The following CHST9 variants were observed in gnomAD, a reference collection of about 807,000 sequenced individuals.
The protein encoded by CHST9 is carbohydrate sulfotransferase 9, also known as GalNAc-4-sulfotransferase 2.
Under a neutral mutation model 44.4 loss-of-function variants are expected in CHST9, and 41 were observed. The ratio of observed to expected loss-of-function variants is 0.92; its 90% CI spans 0.72 to 1.20. CHST9 has a LOEUF of 1.20. CHST9 is among the 50% of genes most tolerant of loss of function. The probability of loss-of-function intolerance (pLI) is 0.00; values close to 1 mark genes in which losing one functional copy is unlikely to be tolerated. For synonymous variants in CHST9, 171 were observed against 178.4 expected, an observed-to-expected ratio of 0.96 and a Z score of 0.33; for missense variants, 504 against 516.5, an observed-to-expected ratio of 0.98 and a Z score of 0.23.
At chr18:27,003,262 C>G (rs756580194) in intron 4 of CHST9, among the ~76,000 whole-genome samples, 1 of 152,010 alleles carries the variant, frequency 6.6e-6, no homozygotes, top group East Asian at 1.9e-4. Flanking sequence ...GATGTGTAGA[C>G]TTTCCCATGA....
chr18:27,015,941 T>C (rs951582809), intron 4 of CHST9, among the ~76,000 whole-genome samples: 26 of 152,204 alleles, frequency 1.7e-4, no homozygotes, highest in African/African-American at 6.0e-4. Flanking sequence ...TACAAACTTC[T>C]TCAGTATATG....
At chr18:27,062,331 G>A (rs1043687953) in intron 2 of CHST9, among the ~76,000 whole-genome samples, 1 of 152,088 alleles carries the variant, frequency 6.6e-6, no homozygotes, top group East Asian at 1.9e-4. Context: ...CCCATGACAG[G>A]CACTGGTGTG....
At chr18:27,077,401 T>C (rs756720722) in intron 2 of CHST9, among the ~76,000 whole-genome samples, 1 of 152,204 alleles carries the variant, frequency 6.6e-6, no homozygotes, top group Non-Finnish European at 1.5e-5. Flanking sequence ...TTCTGTATTT[T>C]CACTTAGTGT....
intron 4 of CHST9, among the ~76,000 whole-genome samples, chr18:26,974,782 T>G (rs2056596631): frequency 6.6e-6 from 1 of 151,892 alleles, no homozygotes; most frequent in Admixed American, 6.6e-5. Context: ...GAGATGATTC[T>G]CCTGCCTCAG....
intron 5 of CHST9, among the ~76,000 whole-genome samples, chr18:26,940,904 A>C (rs1170224466): frequency 1.3e-5 from 2 of 152,190 alleles, no homozygotes; most frequent in Admixed American, 1.3e-4. Context: ...GAGGGACACA[A>C]AGGGAGGGCA....
intron 2 of CHST9, among the ~76,000 whole-genome samples, chr18:27,137,907 C>A (rs1346599913): frequency 6.6e-6 from 1 of 152,188 alleles, no homozygotes; most frequent in East Asian, 1.9e-4. Flanking sequence ...ACAAGCCATT[C>A]TTGTGATTTA....
chr18:27,015,215 G>A (rs897955907), intron 4 of CHST9, among the ~76,000 whole-genome samples: 2 of 152,084 alleles, frequency 1.3e-5, no homozygotes, highest in East Asian at 1.9e-4. Flanking sequence ...TCAACGGCCT[G>A]GAATTTCATG....
At chr18:27,017,312 G>T (rs375675175) in intron 4 of CHST9, among the ~76,000 whole-genome samples, 104 of 152,222 alleles carry the variant, frequency 6.8e-4, no homozygotes, top group African/African-American at 2.4e-3. Flanking sequence ...GTGCAAAAAT[G>T]TCCATAGCAG....
chr18:27,141,257 TG>T (rs1365048388), intron 2 of CHST9, among the ~76,000 whole-genome samples: 1 of 151,896 alleles, frequency 6.6e-6, no homozygotes, highest in Non-Finnish European at 1.5e-5. Context: ...CCCAGCTACT[TG>T]GGAGGCTGAG....
chr18:27,069,078 T>C (rs2057812338), intron 2 of CHST9, among the ~76,000 whole-genome samples: 1 of 152,212 alleles, frequency 6.6e-6, no homozygotes, highest in Admixed American at 6.5e-5. Context: ...TACTTTTCTT[T>C]AATTATTTTT....
At position 26,907,896 on chromosome 18, in the gene CHST9, C is replaced by A; in HGVS notation, c.*8363G>T. ...TGAGGACATTATGCTAAGAGAAATA[C>A]GCCAGTCACAAAAAGACACATGCTG... On this transcript the variant is annotated 3_prime_UTR_variant, in exon 6 of 6. Coordinates refer to ENST00000618847, the MANE Select transcript of CHST9 (RefSeq NM_031422.6). The A allele has an allele frequency of 5.5e-6, 1 of 180,636 alleles. No homozygotes were observed. Among genetic ancestry groups the A allele is most frequent in the South Asian group, 1.5e-4 (1 of 6,494 alleles). 11.2% of individuals were successfully genotyped at this position (180,636 alleles called of 1,614,324 possible). A position where few individuals can be genotyped will look rare whatever the true frequency, so the allele number is the denominator to read the frequency against.
At chr18:26,978,479 T>C (rs1361338500) in intron 4 of CHST9, among the ~76,000 whole-genome samples, 1 of 152,212 alleles carries the variant, frequency 6.6e-6, no homozygotes, top group Non-Finnish European at 1.5e-5. Flanking sequence ...GTGCTAGAAC[T>C]TTCCTAGCCA....
intron 1 of CHST9, among the ~76,000 whole-genome samples, chr18:27,159,002 G>C (rs1279604555): frequency 4.6e-5 from 7 of 152,226 alleles, no homozygotes; most frequent in African/African-American, 1.4e-4. Context: ...GTAGATTCTG[G>C]ATATTAGCCC....
rs758794791 is a variant in CHST9, at chr18:26,917,023, C to T, written c.568G>A (p.Gly190Ser). The change falls in exon 6 of 6, where the codon GGT (glycine) becomes AGT (serine). Residue 190 changes from glycine (G) to serine (S), a missense_variant. Gly to Ser is a moderately conservative substitution (Grantham distance 56, BLOSUM62 0). Coordinates refer to ENST00000618847, the MANE Select transcript of CHST9 (RefSeq NM_031422.6). ...SFLQEFCKKYGGVSHHQSHLF... is the reference protein window; with the variant it reads ...SFLQEFCKKYSGVSHHQSHLF... ...TGTGACTGATGATGACTCACCCCAC[C>T]GTATTTCTTGCAAAACTCCTGAAGG... 5.0e-5 allele frequency: 80 copies of T among 1,613,762 alleles called. No homozygotes were observed. Among genetic ancestry groups the T allele is most frequent in the East Asian group, 1.8e-4 (8 of 44,888 alleles).
At chr18:26,973,083 A>C (rs1463852177) in intron 4 of CHST9, among the ~76,000 whole-genome samples, 2 of 151,932 alleles carry the variant, frequency 1.3e-5, no homozygotes, top group African/African-American at 4.8e-5. Flanking sequence ...CTTAGCTCAA[A>C]TGTCTCCCGT....
At chr18:27,062,524 G>T (rs2057736395) in intron 2 of CHST9, among the ~76,000 whole-genome samples, 1 of 152,174 alleles carries the variant, frequency 6.6e-6, no homozygotes, top group Non-Finnish European at 1.5e-5. Flanking sequence ...GTATTCCATG[G>T]TGTATATGTG....
At chr18:26,931,793 A>G (rs576252066) in intron 5 of CHST9, among the ~76,000 whole-genome samples, 2 of 152,342 alleles carry the variant, frequency 1.3e-5, no homozygotes, top group South Asian at 2.1e-4. Context: ...GCTGCACAAA[A>G]TAATTGAATT....
chr18:26,908,344 G>C lies in CHST9; in HGVS notation c.*7915C>G, dbSNP rs1330113093. ...AGACAGGAGAATAGCTTGAACCCAG[G>C]ACGTGGAGGTTGCAGTGAGCAGAGA... On this transcript the variant is annotated 3_prime_UTR_variant, in exon 6 of 6. Coordinates refer to ENST00000618847, the MANE Select transcript of CHST9 (RefSeq NM_031422.6). 1.3e-5 allele frequency: 2 copies of C among 152,164 alleles called. No individual in the cohort carries two copies. The highest frequency in any genetic ancestry group is 3.9e-4 in the East Asian group (2 of 5,180). The allele number at this position is 152,164 out of a possible 1,614,324, so 9.4% of individuals were successfully genotyped here. A position where few individuals can be genotyped will look rare whatever the true frequency, so the allele number is the denominator to read the frequency against.
chr18:27,139,750 T>C (rs1017002187), intron 2 of CHST9, among the ~76,000 whole-genome samples: 14 of 152,148 alleles, frequency 9.2e-5, no homozygotes, highest in African/African-American at 3.4e-4. Context: ...AGCACTTCTA[T>C]CAAAATTACA....
Sources: allele counts gnomAD v4.1 joint callset (sites outside exome capture counted in the v4.1 genomes callset), GRCh38; gene constraint gnomAD v4.1.1; transcripts MANE v1.5; gene names NCBI Gene and HGNC (gene_info 2026-07-23, HGNC 2026-07-21).